The following SNTG1 variants were observed in gnomAD, a reference collection of about 807,000 sequenced individuals.
The protein encoded by SNTG1 is gamma-1-syntrophin.
In SNTG1, 39 loss-of-function variants were observed where a neutral mutation model predicts 74.7. The observed-to-expected ratio is 0.52, with a 90% CI of 0.40 to 0.68. The LOEUF (loss-of-function observed/expected upper bound fraction) is 0.68. Ranked by LOEUF, SNTG1 falls within the 30% of genes least tolerant of loss-of-function variation. The pLI is 0.00. For missense variants in SNTG1, 685 were observed against 609.5 expected (o/e 1.12, Z -1.30); for synonymous variants, 254 against 217.1 (o/e 1.17, Z -1.49).
chr8:50,664,815 A>G (rs990781808), intron 15 of SNTG1, among the ~76,000 whole-genome samples: 1 of 152,226 alleles, frequency 6.6e-6, no homozygotes, highest in Non-Finnish European at 1.5e-5. Context: ...CAGAGCATAC[A>G]TGGGGAACAT....
At chr8:50,188,146 C>T (rs547528940) in intron 2 of SNTG1, among the ~76,000 whole-genome samples, 2 of 152,220 alleles carry the variant, frequency 1.3e-5, no homozygotes, top group East Asian at 3.9e-4. Flanking sequence ...TCAAAGAACA[C>T]GAATATCTTT....
At chr8:50,076,301 A>G (rs1821882806) in intron 1 of SNTG1, among the ~76,000 whole-genome samples, 1 of 152,014 alleles carries the variant, frequency 6.6e-6, no homozygotes, top group Non-Finnish European at 1.5e-5. Context: ...AACAAAAACA[A>G]AAAAAAACCT....
intron 4 of SNTG1, among the ~76,000 whole-genome samples, chr8:50,433,134 T>C (rs953663917): frequency 1.3e-5 from 2 of 152,240 alleles, no homozygotes; most frequent in African/African-American, 4.8e-5. Flanking sequence ...AATGGCATTA[T>C]GCTTTTAATT....
chr8:50,774,503 A>G (rs984697092), intron 18 of SNTG1, among the ~76,000 whole-genome samples: 41 of 151,996 alleles, frequency 2.7e-4, no homozygotes, highest in African/African-American at 9.4e-4. Context: ...TTATTTAGTG[A>G]AACTCTCCTT....
chr8:50,701,618 C>CTTCTTCTTCTTCTTCTTCCTCTTCTTCTT (rs201341360), intron 15 of SNTG1, among the ~76,000 whole-genome samples: 1 of 136,890 alleles, frequency 7.3e-6, no homozygotes, highest in South Asian at 2.4e-4. Flanking sequence ...TCTTCTTCTT[C>CTTCTTCTTCTTCTTCTTCCTCTTCTTCTT]GTGTTCCTCT....
chr8:50,687,356 T>G (rs1294246080), intron 15 of SNTG1, among the ~76,000 whole-genome samples: 1 of 152,116 alleles, frequency 6.6e-6, no homozygotes, highest in African/African-American at 2.4e-5. Context: ...AATAAATGAA[T>G]GAATGGATAA....
intron 2 of SNTG1, among the ~76,000 whole-genome samples, chr8:50,230,048 G>A (rs558463811): frequency 6.6e-6 from 1 of 151,334 alleles, no homozygotes; most frequent in Admixed American, 6.6e-5. Context: ...AAATGACAAT[G>A]CAACTTATCA....
chr8:50,793,090 G>C lies in SNTG1; in HGVS notation c.*261G>C. On this transcript the variant is annotated 3_prime_UTR_variant, in exon 19 of 19. Coordinates refer to ENST00000642720, the MANE Select transcript of SNTG1 (RefSeq NM_018967.5). ...TAAGTGTATTGCTTTCACCAAAAGTGGAGACAAAAGAATAAATTATTTGAA... is the reference window on the plus strand; with the variant it reads ...TAAGTGTATTGCTTTCACCAAAAGTCGAGACAAAAGAATAAATTATTTGAA... 1 of 307,888 alleles carries C rather than the reference G, an allele frequency of 3.2e-6. No homozygotes were observed. Among genetic ancestry groups the C allele is most frequent in the Non-Finnish European group, 5.9e-6 (1 of 169,718 alleles). 19.1% of individuals were successfully genotyped at this position (307,888 alleles called of 1,614,324 possible).
intron 15 of SNTG1, among the ~76,000 whole-genome samples, chr8:50,661,185 A>G (rs2095221332): frequency 6.6e-6 from 1 of 152,190 alleles, no homozygotes; most frequent in African/African-American, 2.4e-5. Flanking sequence ...GCATTTTATT[A>G]GGTGATATGA....
chr8:50,218,544 A>AT (rs1412124039), intron 2 of SNTG1, among the ~76,000 whole-genome samples: 13 of 151,268 alleles, frequency 8.6e-5, no homozygotes, highest in African/African-American at 2.9e-4. Context: ...TCAGTATTAC[A>AT]TTTTTTCTAT....
At chr8:50,085,195 T>C (rs1291817030) in intron 1 of SNTG1, among the ~76,000 whole-genome samples, 2 of 152,182 alleles carry the variant, frequency 1.3e-5, no homozygotes, top group African/African-American at 4.8e-5. Context: ...TTCTAGGATA[T>C]TAAGAATATA....
At chr8:49,975,157 C>T (rs892909745) in intron 1 of SNTG1, among the ~76,000 whole-genome samples, 14 of 152,054 alleles carry the variant, frequency 9.2e-5, no homozygotes, top group African/African-American at 1.7e-4. Flanking sequence ...ACATATTTGG[C>T]GGAATAAAAT....
chr8:50,650,842 A>G (rs1312898583), intron 13 of SNTG1, among the ~76,000 whole-genome samples: 1 of 152,060 alleles, frequency 6.6e-6, no homozygotes, highest in Admixed American at 6.6e-5. Flanking sequence ...CTGGGATTAC[A>G]AGCATCTGCC....
At chr8:50,163,003 A>G (rs1274118086) in intron 1 of SNTG1, among the ~76,000 whole-genome samples, 1 of 152,194 alleles carries the variant, frequency 6.6e-6, no homozygotes, top group Non-Finnish European at 1.5e-5. Context: ...ATCTGGTGCC[A>G]TGTGGCTGCT....
At position 50,152,546 on chromosome 8, in the gene SNTG1, G is replaced by A. The variant is rs557062113; in HGVS notation, c.-102-20015G>A. 1.9e-3 allele frequency among the ~76,000 whole-genome samples: 284 copies of A among 152,222 alleles called. 1 individual carries two copies. Among genetic ancestry groups the A allele is most frequent in the African/African-American group, 5.3e-3 (218 of 41,522 alleles). ...GAATGGTTTTGCAGTGGCTGGTACC[G>A]GTTGTTCCTTTCTATGTTTAGTGCT... is the stretch of plus-strand genomic sequence containing the variant. On this transcript the variant is annotated intron_variant, in intron 1 of 18. Transcript: ENST00000642720.
chr8:50,437,499 T>G (rs1451021844), intron 4 of SNTG1, among the ~76,000 whole-genome samples: 2 of 152,152 alleles, frequency 1.3e-5, no homozygotes, highest in East Asian at 3.9e-4. Context: ...TTTAAAATAA[T>G]ATTATCTGTT....
chr8:50,520,416 G>T lies in SNTG1; in HGVS notation c.467-9761G>T, dbSNP rs576747957. ...CATGACTAAAACACTAAAAGCAATG[G>T]CAACAAAAGCCAAAATTGACAAAAG... On this transcript the variant is annotated intron_variant, in intron 9 of 18. Transcript: ENST00000642720. Among the ~76,000 whole-genome samples, 136 of 152,236 alleles carry T rather than the reference G, an allele frequency of 8.9e-4. 3 individuals are homozygous for T. In the South Asian group the frequency reaches 0.027, roughly 30 times the overall value.
chr8:50,039,066 G>A (rs929213756), intron 1 of SNTG1, among the ~76,000 whole-genome samples: 1 of 152,084 alleles, frequency 6.6e-6, no homozygotes, highest in African/African-American at 2.4e-5. Context: ...ATTAAAATGG[G>A]GTCGTTTGCT....
At chr8:50,279,909 G>A (rs543205133) in intron 2 of SNTG1, among the ~76,000 whole-genome samples, 22 of 152,290 alleles carry the variant, frequency 1.4e-4, no homozygotes, top group African/African-American at 5.1e-4. Flanking sequence ...ACATTTTAGA[G>A]ATGTAGTCAT....
Sources: allele counts gnomAD v4.1 joint callset (sites outside exome capture counted in the v4.1 genomes callset), GRCh38; gene constraint gnomAD v4.1.1; transcripts MANE v1.5; gene names NCBI Gene and HGNC (gene_info 2026-07-23, HGNC 2026-07-21).